Variants in POGZ observed in about 807,000 individuals in gnomAD.
The protein encoded by POGZ is pogo transposable element derived with ZNF domain.
Under a neutral mutation model 134.6 loss-of-function variants are expected in POGZ, and 17 were observed. That is an observed-to-expected ratio of 0.13 (90% confidence interval 0.09 to 0.19). The LOEUF is 0.19. Among genes scored for constraint, POGZ ranks in the 10% least tolerant of loss-of-function variants. The probability of loss-of-function intolerance (pLI) is 1.00; values close to 1 mark genes in which losing one functional copy is unlikely to be tolerated. For missense variants in POGZ, 1,306 were observed against 1,769.7 expected (o/e 0.74, Z 4.70); for synonymous variants, 693 against 657.1 (o/e 1.05, Z -0.84).
intron 1 of POGZ, 85 bp from the exon 2 acceptor site, chr1:151,442,290 C>T: frequency 8.5e-7 from 1 of 1,174,482 alleles, no homozygotes; most frequent in Non-Finnish European, 1.2e-6. Context: ...AACTTTGACT[C>T]CATTGGTAAC....
intron 3 of POGZ, 197 bp downstream of exon 3, chr1:151,440,731 C>T (rs1365249548): frequency 1.0e-5 from 4 of 398,630 alleles, no homozygotes; most frequent in Non-Finnish European, 1.8e-5. Flanking sequence ...AACACCAGTA[C>T]CGAGTCAGCA....
chr1:151,404,417 C>A lies in POGZ; in HGVS notation c.*385G>T. 1 of 997,934 alleles carries A rather than the reference C, an allele frequency of 1.0e-6. No homozygotes were observed. Among genetic ancestry groups the A allele is most frequent in the Admixed American group, 5.4e-5 (1 of 18,454 alleles). 61.8% of individuals were successfully genotyped at this position (997,934 alleles called of 1,614,324 possible). ...ATAAAACAAACAAAAAAACCCAGTA[C>A]TATGATACAATTGAGGTAAAAGGGG... On this transcript the variant is annotated 3_prime_UTR_variant, in exon 19 of 19. Coordinates refer to ENST00000271715, the MANE Select transcript of POGZ (RefSeq NM_015100.4).
At chr1:151,442,476 G>A (rs528009207) in intron 1 of POGZ, 7 of 238,298 alleles carry the variant, frequency 2.9e-5, no homozygotes, top group East Asian at 8.5e-5. Flanking sequence ...TTGGGAAGCC[G>A]AGGGAGGTGG....
intron 10 of POGZ, among the ~76,000 whole-genome samples, chr1:151,415,742 A>AGT (rs1655526494): frequency 6.6e-6 from 1 of 152,112 alleles, no homozygotes; most frequent in Non-Finnish European, 1.5e-5. Flanking sequence ...AACAGGAATA[A>AGT]TAACTAACAG....
chr1:151,447,465 CT>C (rs1483036780), intron 1 of POGZ, among the ~76,000 whole-genome samples: 2 of 151,636 alleles, frequency 1.3e-5, no homozygotes, highest in African/African-American at 4.8e-5. Flanking sequence ...TCTTTTTTCT[CT>C]TCTTTTTTTG....
At chr1:151,419,170 A>G (rs948171489) in intron 10 of POGZ, among the ~76,000 whole-genome samples, 4 of 152,082 alleles carry the variant, frequency 2.6e-5, no homozygotes, top group Non-Finnish European at 5.9e-5. Context: ...CCTGAACGAC[A>G]CGGCGAAACC....
Position 151,405,501 on chromosome 1 carries a change from C to T in POGZ, c.3534G>A (p.Gly1178=), listed in dbSNP as rs1266431550. ...GCATGTTAGCAGGCTGATCCATCTG[C>T]CCTCTGTAGAAAACCAGGGTGGGAA... The part of the protein sequence containing the change: ...TVLPTLVFYR[G]QMDQPANMPD... Residue 1178 remains glycine (G), a synonymous_variant, in exon 19 of 19, where the codon GGG becomes GGA. Transcript: ENST00000271715. This position sits in a 1 kb window ranked among gnomAD's most constrained non-coding sequence, Gnocchi z 4.9. 6.2e-7 allele frequency: 1 copy of T among 1,614,228 alleles called. No homozygotes were observed. Among genetic ancestry groups the T allele is most frequent in the South Asian group, 1.1e-5 (1 of 91,092 alleles).
intron 6 of POGZ, 40 bp from the exon 7 acceptor site, chr1:151,428,081 C>T (rs767179243): frequency 6.2e-7 from 1 of 1,613,144 alleles, no homozygotes; most frequent in African/African-American, 1.3e-5. Context: ...CTCCACCCAC[C>T]ATCCCAACCT....
At chr1:151,424,430 CAA>C (rs1461382458) in intron 8 of POGZ, 144 bp from the exon 9 acceptor site, 6 of 571,536 alleles carry the variant, frequency 1.0e-5, no homozygotes, top group African/African-American at 7.5e-5. Context: ...TTAGCGTTTC[CAA>C]GTTTTACTCC....
At chr1:151,437,218 A>G (rs1024734197) in intron 3 of POGZ, among the ~76,000 whole-genome samples, 1 of 151,008 alleles carries the variant, frequency 6.6e-6, no homozygotes, top group Non-Finnish European at 1.5e-5. Flanking sequence ...AAAAAAAAAA[A>G]GTAATACATG....
chr1:151,446,071 C>A (rs1438481406), intron 1 of POGZ, among the ~76,000 whole-genome samples: 1 of 145,534 alleles, frequency 6.9e-6, no homozygotes, highest in East Asian at 2.0e-4. Context: ...TTTTTTAGCC[C>A]CGATCATGGG....
At chr1:151,452,319 G>C (rs1291909057) in intron 1 of POGZ, among the ~76,000 whole-genome samples, 1 of 151,666 alleles carries the variant, frequency 6.6e-6, no homozygotes, top group Non-Finnish European at 1.5e-5. Context: ...TATCTTGAAA[G>C]TGACTTTCAA....
chr1:151,435,746 C>A (rs976156354), intron 3 of POGZ, among the ~76,000 whole-genome samples: 1 of 151,808 alleles, frequency 6.6e-6, no homozygotes, highest in African/African-American at 2.4e-5. Context: ...CTGCTCACCT[C>A]GGCCTCCCAA....
In POGZ at chr1:151,408,201, G is replaced by A. The variant is rs771289765; in HGVS notation, c.2274C>T (p.Phe758=). The change falls in exon 15 of 19, where the codon TTC becomes TTT. Residue 758 remains phenylalanine (F), a synonymous_variant. Transcript: ENST00000271715. The part of the protein sequence containing the change: ...MGRQTCLECS[F]EIPDFPNHFP... The stretch of plus-strand genomic sequence containing the variant: ...AATGATTAGGGAAGTCTGGGATCTC[G>A]AAGCTGCACTCCAGGCATGTCTGCC... 6.2e-6 allele frequency: 10 copies of A among 1,613,234 alleles called. No individual in the cohort carries two copies. The African/African-American group carries it at 6.7e-5, about 11-fold the overall frequency.
chr1:151,416,367 G>A (rs1246295047), intron 10 of POGZ, among the ~76,000 whole-genome samples: 1 of 151,998 alleles, frequency 6.6e-6, no homozygotes, highest in Non-Finnish European at 1.5e-5. Context: ...GACCAGCCTG[G>A]CCAACATGCC....
intron 7 of POGZ, among the ~76,000 whole-genome samples, chr1:151,425,457 G>T (rs1557904661): frequency 1.3e-5 from 2 of 151,704 alleles, no homozygotes; most frequent in Admixed American, 6.6e-5. Context: ...TAAGGTTTTT[G>T]TTTTTTTTAA....
intron 1 of POGZ, among the ~76,000 whole-genome samples, chr1:151,455,458 A>G (rs1662652728): frequency 6.6e-6 from 1 of 152,242 alleles, no homozygotes; most frequent in Admixed American, 6.5e-5. Context: ...AATGATGTAA[A>G]GAGCAGAAAC....
chr1:151,408,241 C>T lies in POGZ; in HGVS notation c.2235-1G>A. ...GCATGTCTGCCGGCCCATGACACTC[C>T]TGTGGGGGAAAAAAAAAAAGAATTC... On this transcript the variant is annotated splice_acceptor_variant, in intron 14 of 18. Transcript: ENST00000271715. LOFTEE classifies it high-confidence loss of function. The T allele has an allele frequency of 6.3e-7, 1 of 1,599,700 alleles. No individual in the cohort carries two copies. The highest frequency in any genetic ancestry group is 8.5e-7 in the Non-Finnish European group (1 of 1,176,146).
chr1:151,423,287 C>CAAA, intron 10 of POGZ, 110 bp downstream of exon 10: 1 of 911,848 alleles, frequency 1.1e-6, no homozygotes, highest in East Asian at 2.5e-5. Flanking sequence ...AAAGTACTTC[C>CAAA]TCTACACTGT....
Sources: allele counts gnomAD v4.1 joint callset (sites outside exome capture counted in the v4.1 genomes callset), GRCh38; gene constraint gnomAD v4.1.1; non-coding constraint Gnocchi (gnomAD v3.1); transcripts MANE v1.5; gene names NCBI Gene and HGNC (gene_info 2026-07-23, HGNC 2026-07-21).